Variants in RIC1 observed in about 807,000 individuals in gnomAD.
RIC1 encodes RIC1 partner of RAB6A GEF complex, also known as guanine nucleotide exchange factor subunit RIC1.
RIC1 carries 88 observed loss-of-function variants against 169.0 expected under a neutral mutation model. The observed-to-expected ratio is 0.52, with a 90% confidence interval of 0.44 to 0.62. The LOEUF is 0.62. Ranked by LOEUF, RIC1 falls within the 20% of genes least tolerant of loss-of-function variation. The pLI is 0.00. For missense variants in RIC1, 1,877 were observed against 1,725.5 expected (o/e 1.09, Z -1.56); for synonymous variants, 790 against 601.5 (o/e 1.31, Z -4.59).
chr9:5,717,764 G>C (rs1823343559), intron 4 of RIC1, among the ~76,000 whole-genome samples: 1 of 151,860 alleles, frequency 6.6e-6, no homozygotes. Context: ...AGAATCCCGG[G>C]AGGCGGAGGT....
intron 21 of RIC1, 78 bp downstream of exon 21, chr9:5,765,876 C>G: frequency 6.6e-7 from 1 of 1,523,890 alleles, no homozygotes. Flanking sequence ...AAAATTAGGT[C>G]TTAATGGAAA....
At position 5,661,363 on chromosome 9, in the gene RIC1, C is replaced by T. The variant is rs543375069; in HGVS notation, c.252+4673C>T. 3.3e-5 allele frequency among the ~76,000 whole-genome samples: 5 copies of T among 152,174 alleles called. No individual in the cohort carries two copies. The East Asian group carries it at 9.6e-4, about 29-fold the overall frequency. ...ATTTTAAAATAGCTTTTTTCTAATT[C>T]CGTGAAGAATGTCAGTGGTAGTTTA... On this transcript the variant is annotated intron_variant, in intron 2 of 25. Transcript: ENST00000414202.
chr9:5,724,361 G>C (rs1823814766), intron 6 of RIC1, among the ~76,000 whole-genome samples: 1 of 152,110 alleles, frequency 6.6e-6, no homozygotes, highest in African/African-American at 2.4e-5. Flanking sequence ...TTCTGTGTTT[G>C]TCTGTTATTG....
At chr9:5,668,482 A>G (rs959078908) in intron 2 of RIC1, among the ~76,000 whole-genome samples, 3 of 152,016 alleles carry the variant, frequency 2.0e-5, no homozygotes, top group African/African-American at 7.2e-5. Flanking sequence ...ATTTTCAACC[A>G]TTTCTCTTTC....
intron 4 of RIC1, chr9:5,719,463 T>A (rs1464317482): frequency 1.3e-5 from 2 of 152,208 alleles, no homozygotes. Flanking sequence ...GAGAATATTT[T>A]ATTCATCCTC....
chr9:5,774,149 G>A lies in RIC1; in HGVS notation c.4175G>A (p.Gly1392Glu), dbSNP rs550417804. 2 of 1,614,076 alleles carry A rather than the reference G, an allele frequency of 1.2e-6. No homozygotes were observed. Among genetic ancestry groups the A allele is most frequent in the Non-Finnish European group, 1.7e-6 (2 of 1,179,990 alleles). ...GGAAGCATCCCCCAGGGTGAAGTTGGAAGCAGCAATATGGTCAGCCGGAAA... is the reference window on the plus strand; with the variant it reads ...GGAAGCATCCCCCAGGGTGAAGTTGAAAGCAGCAATATGGTCAGCCGGAAA... ...SHGSIPQGEV[G>E]SSNMVSRKEE... is the part of the protein sequence containing the mutation. Residue 1392 changes from glycine (G) to glutamate (E), a missense_variant, in exon 26 of 26, where the codon GGA becomes GAA. This residue lies in a region of RIC1 where 681 missense variants were observed against 582.0 expected (regional missense o/e 1.17). Coordinates refer to ENST00000414202, the MANE Select transcript of RIC1 (RefSeq NM_020829.4).
At chr9:5,698,884 A>G (rs974464777) in intron 3 of RIC1, among the ~76,000 whole-genome samples, 1 of 152,232 alleles carries the variant, frequency 6.6e-6, no homozygotes, top group African/African-American at 2.4e-5. Context: ...AGGGGATTCT[A>G]GTTCATTAAC....
intron 1 of RIC1, among the ~76,000 whole-genome samples, chr9:5,636,019 A>G (rs1817954920): frequency 6.6e-6 from 1 of 152,250 alleles, no homozygotes; most frequent in Non-Finnish European, 1.5e-5. Flanking sequence ...TTCTTTCTCA[A>G]GATGGCCTTG....
At chr9:5,720,383 G>T (rs1475755304) in intron 5 of RIC1, 59 bp downstream of exon 5, 13 of 1,508,870 alleles carry the variant, frequency 8.6e-6, no homozygotes, top group Non-Finnish European at 1.2e-5. Flanking sequence ...GTCTAGTTAG[G>T]TATCTTCTAT....
At chr9:5,733,263 ATTTTTTT>A (rs71487829) in intron 7 of RIC1, among the ~76,000 whole-genome samples, 2 of 134,866 alleles carry the variant, frequency 1.5e-5, no homozygotes, top group Non-Finnish European at 3.2e-5. Context: ...AGTATCAAAG[ATTTTTTT>A]TTTTTTTTTT....
intron 21 of RIC1, among the ~76,000 whole-genome samples, chr9:5,766,295 C>T (rs1826741618): frequency 6.6e-6 from 1 of 152,206 alleles, no homozygotes; most frequent in Non-Finnish European, 1.5e-5. Flanking sequence ...CCTGCCTCTG[C>T]TTCCCAAAGG....
intron 2 of RIC1, among the ~76,000 whole-genome samples, chr9:5,677,628 G>A (rs987198265): frequency 6.6e-6 from 1 of 151,436 alleles, no homozygotes; most frequent in Admixed American, 6.6e-5. Context: ...CTCCAACTTT[G>A]TTCATTTTCA....
chr9:5,680,745 C>G (rs1820769188), intron 2 of RIC1, among the ~76,000 whole-genome samples: 1 of 141,132 alleles, frequency 7.1e-6, no homozygotes, highest in South Asian at 2.4e-4. Context: ...CCGTTTTCTT[C>G]TTTATTAGTC....
intron 3 of RIC1, among the ~76,000 whole-genome samples, chr9:5,707,904 C>T (rs557196675): frequency 1.3e-5 from 2 of 152,096 alleles, no homozygotes; most frequent in South Asian, 4.1e-4. Context: ...GGATTTCTGC[C>T]ATTTTGCTAT....
At chr9:5,663,440 A>G (rs1339903329) in intron 2 of RIC1, among the ~76,000 whole-genome samples, 3 of 152,098 alleles carry the variant, frequency 2.0e-5, no homozygotes, top group African/African-American at 7.2e-5. Context: ...GTCTGCTACT[A>G]TTATTGTGTG....
intron 1 of RIC1, among the ~76,000 whole-genome samples, chr9:5,651,023 G>A (rs1197583282): frequency 6.6e-6 from 1 of 152,130 alleles, no homozygotes; most frequent in Non-Finnish European, 1.5e-5. Flanking sequence ...AACTGTTTAG[G>A]TCTCATGCAG....
At chr9:5,691,950 T>C (rs1393968286) in intron 3 of RIC1, among the ~76,000 whole-genome samples, 1 of 152,072 alleles carries the variant, frequency 6.6e-6, no homozygotes, top group African/African-American at 2.4e-5. Flanking sequence ...CAGAAAAGTT[T>C]TAAGAAACAG....
At chr9:5,718,129 G>T (rs1434077335) in intron 4 of RIC1, among the ~76,000 whole-genome samples, 2 of 86,460 alleles carry the variant, frequency 2.3e-5, no homozygotes, top group African/African-American at 9.6e-5. Flanking sequence ...AACAGAGCAA[G>T]ACTCCGTCTC....
intron 2 of RIC1, among the ~76,000 whole-genome samples, chr9:5,685,515 A>C (rs1243902345): frequency 6.7e-6 from 1 of 149,736 alleles, no homozygotes; most frequent in Non-Finnish European, 1.5e-5. Context: ...GAGAAAAACA[A>C]GCAATGGGGA....
Sources: gnomAD v4.1 joint callset for allele counts (sites outside exome capture counted in the v4.1 genomes callset) on GRCh38, gnomAD v4.1.1 for gene constraint, gnomAD v4.1.1 regional missense constraint, MANE v1.5 for transcripts, NCBI Gene and HGNC (gene_info 2026-07-23, HGNC 2026-07-21) for gene names.